Variants in BMPR1B observed in about 807,000 individuals in gnomAD.
BMPR1B encodes the protein bone morphogenetic protein receptor type-1B.
BMPR1B carries 12 observed loss-of-function variants against 59.1 expected under a neutral mutation model. The ratio of observed to expected loss-of-function variants is 0.20; its 90% CI spans 0.13 to 0.33. BMPR1B has a LOEUF of 0.33. Among genes scored for constraint, BMPR1B ranks in the 10% least tolerant of loss-of-function variants. The probability of loss-of-function intolerance (pLI) is 1.00; values close to 1 mark genes in which losing one functional copy is unlikely to be tolerated. For missense variants in BMPR1B, 550 were observed against 610.9 expected (o/e 0.90, Z 1.05); for synonymous variants, 237 against 207.3 (o/e 1.14, Z -1.23).
At chr4:94,923,381 G>T (rs1728775313) in intron 2 of BMPR1B, among the ~76,000 whole-genome samples, 1 of 151,984 alleles carries the variant, frequency 6.6e-6, no homozygotes, top group Non-Finnish European at 1.5e-5. Context: ...CTGAAATTTT[G>T]GATTTATGAA....
At chr4:95,131,100 A>G in intron 9 of BMPR1B, 115 bp from the exon 10 acceptor site, 3 of 1,101,242 alleles carry the variant, frequency 2.7e-6, no homozygotes, top group South Asian at 1.5e-5. Context: ...TAGTCAGGAA[A>G]TTGAATGAAA....
chr4:95,052,885 A>G (rs979655814), intron 3 of BMPR1B, among the ~76,000 whole-genome samples: 1 of 152,160 alleles, frequency 6.6e-6, no homozygotes, highest in African/African-American at 2.4e-5. Context: ...GAATAGAAAA[A>G]CTTCAGGGAA....
At chr4:95,124,808 A>G (rs1425578940) in intron 7 of BMPR1B, among the ~76,000 whole-genome samples, 175 bp from the exon 8 acceptor site, 1 of 152,194 alleles carries the variant, frequency 6.6e-6, no homozygotes, top group Non-Finnish European at 1.5e-5. Flanking sequence ...TAGGTTAGCC[A>G]AACAGTAATG....
chr4:94,883,726 G>A (rs1454924414), intron 2 of BMPR1B, among the ~76,000 whole-genome samples: 1 of 152,014 alleles, frequency 6.6e-6, no homozygotes, highest in Non-Finnish European at 1.5e-5. Context: ...GCATCAATTT[G>A]CAGTTAAGCT....
At chr4:94,857,415 T>G (rs1021818291) in intron 1 of BMPR1B, among the ~76,000 whole-genome samples, 10 of 152,188 alleles carry the variant, frequency 6.6e-5, no homozygotes, top group African/African-American at 2.4e-4. Flanking sequence ...ACACATATAG[T>G]AAGATCTATA....
At chr4:94,948,356 G>A (rs1419693674) in intron 2 of BMPR1B, among the ~76,000 whole-genome samples, 2 of 152,132 alleles carry the variant, frequency 1.3e-5, no homozygotes, top group African/African-American at 4.8e-5. Flanking sequence ...TAGAAGAAAG[G>A]CCAGAGTAGT....
intron 2 of BMPR1B, among the ~76,000 whole-genome samples, chr4:94,962,103 C>T (rs1294209308): frequency 3.6e-5 from 5 of 138,286 alleles, no homozygotes; most frequent in Non-Finnish European, 7.6e-5. Flanking sequence ...TTCCTTCCTT[C>T]CTTCCTTCCT....
intron 3 of BMPR1B, among the ~76,000 whole-genome samples, chr4:95,062,645 G>A (rs1203353824): frequency 6.6e-6 from 1 of 152,142 alleles, no homozygotes; most frequent in Non-Finnish European, 1.5e-5. Flanking sequence ...TTGGAAATGA[G>A]TGTGAACATC....
rs548180533 is a variant in BMPR1B, at chr4:94,819,146, T to A, written c.-182-56685T>A. ...GTGAGAACCTATCTCAAATAAAATT[T>A]TTTTTTTTTTCTCTTATAGGCTTAA... On this transcript the variant is annotated intron_variant, in intron 1 of 12. Transcript: ENST00000515059. 2.8e-3 allele frequency among the ~76,000 whole-genome samples: 421 copies of A among 151,580 alleles called. 4 individuals carry two copies. The highest frequency in any genetic ancestry group is 7.4e-3 in the African/African-American group (306 of 41,322).
At chr4:94,959,942 G>A (rs1238963130) in intron 2 of BMPR1B, among the ~76,000 whole-genome samples, 2 of 152,096 alleles carry the variant, frequency 1.3e-5, no homozygotes, top group African/African-American at 2.4e-5. Flanking sequence ...AATGTTAATC[G>A]AATTATCTGC....
chr4:94,991,063 A>G (rs953856922), intron 2 of BMPR1B, among the ~76,000 whole-genome samples: 6 of 152,126 alleles, frequency 3.9e-5, no homozygotes, highest in African/African-American at 1.4e-4. Flanking sequence ...TACTTTCTGA[A>G]TGTTGTATGT....
At chr4:94,970,290 TC>T (rs35137099) in intron 2 of BMPR1B, among the ~76,000 whole-genome samples, 12,462 of 76,056 alleles carry the variant, frequency 0.16, 790 homozygotes, top group Non-Finnish European at 0.23. Flanking sequence ...TCTTCTCTTC[TC>T]TTCTCTTCTC....
chr4:94,806,390 A>G (rs931300785), intron 1 of BMPR1B, among the ~76,000 whole-genome samples: 1 of 152,234 alleles, frequency 6.6e-6, no homozygotes, highest in African/African-American at 2.4e-5. Flanking sequence ...TTATTAAACT[A>G]AACAGTCTGC....
intron 1 of BMPR1B, among the ~76,000 whole-genome samples, chr4:94,846,555 G>T (rs892659790): frequency 9.9e-5 from 15 of 152,228 alleles, no homozygotes; most frequent in African/African-American, 3.6e-4. Context: ...TCCCGTGCTG[G>T]ATGCTTCCTG....
chr4:94,987,877 A>G (rs1172033146), intron 2 of BMPR1B, among the ~76,000 whole-genome samples: 9 of 152,198 alleles, frequency 5.9e-5, no homozygotes, highest in African/African-American at 2.2e-4. Flanking sequence ...TTGAGAATTC[A>G]GCTACACCTT....
intron 3 of BMPR1B, among the ~76,000 whole-genome samples, chr4:95,079,950 TTTC>T (rs1202866394): frequency 5.9e-5 from 9 of 152,304 alleles, no homozygotes; most frequent in African/African-American, 2.2e-4. Flanking sequence ...TAATGATTCA[TTTC>T]TTCTTTTCCC....
At chr4:95,026,011 C>T (rs915956522) in intron 3 of BMPR1B, among the ~76,000 whole-genome samples, 11 of 152,250 alleles carry the variant, frequency 7.2e-5, no homozygotes, top group African/African-American at 4.8e-5. Context: ...CCTGAGGGTA[C>T]GTCAGGCCTC....
intron 1 of BMPR1B, among the ~76,000 whole-genome samples, chr4:94,789,421 A>G (rs1296920728): frequency 6.6e-6 from 1 of 152,110 alleles, no homozygotes; most frequent in Non-Finnish European, 1.5e-5. Context: ...CAAGGTTCTC[A>G]TCTCCTTTGA....
At chr4:94,847,493 T>C (rs1725381966) in intron 1 of BMPR1B, among the ~76,000 whole-genome samples, 1 of 152,198 alleles carries the variant, frequency 6.6e-6, no homozygotes, top group African/African-American at 2.4e-5. Flanking sequence ...CTCCCATGTT[T>C]ATTGCAGCAC....
Sources: gnomAD v4.1 joint callset for allele counts (sites outside exome capture counted in the v4.1 genomes callset) on GRCh38, gnomAD v4.1.1 for gene constraint, MANE v1.5 for transcripts, NCBI Gene and HGNC (gene_info 2026-07-23, HGNC 2026-07-21) for gene names.